The following ENTHD1 variants were observed in gnomAD, a reference collection of about 807,000 sequenced individuals.
The protein encoded by ENTHD1 is ENTH domain containing 1.
Under a neutral mutation model 39.1 loss-of-function variants are expected in ENTHD1, and 23 were observed. That is an observed-to-expected ratio of 0.59 (90% CI 0.42 to 0.83). The LOEUF (loss-of-function observed/expected upper bound fraction) is 0.83. Ranked by LOEUF, ENTHD1 falls within the 40% of genes least tolerant of loss-of-function variation. The pLI is 0.00. For missense variants in ENTHD1, 624 were observed against 705.4 expected, an observed-to-expected ratio of 0.88 and a Z score of 1.31; for synonymous variants, 230 against 258.2, an observed-to-expected ratio of 0.89 and a Z score of 1.05.
At chr22:39,768,753 T>C (rs1404384504) in intron 5 of ENTHD1, among the ~76,000 whole-genome samples, 2 of 152,120 alleles carry the variant, frequency 1.3e-5, no homozygotes, top group Non-Finnish European at 2.9e-5. Flanking sequence ...ATCAACTTTA[T>C]ATGTTGATTT....
chr22:39,863,333 G>A (rs530872527), intron 2 of ENTHD1, among the ~76,000 whole-genome samples: 109 of 152,268 alleles, frequency 7.2e-4, no homozygotes, highest in African/African-American at 2.6e-3. Flanking sequence ...TTTCTCTGAC[G>A]TAACATCCTA....
intron 2 of ENTHD1, chr22:39,875,856 C>A: frequency 6.2e-7 from 1 of 1,613,916 alleles, no homozygotes. Context: ...CAGGAAGCTG[C>A]AGTTGAATTA....
chr22:39,885,232 C>T (rs999100487), intron 2 of ENTHD1, among the ~76,000 whole-genome samples: 9 of 152,186 alleles, frequency 5.9e-5, no homozygotes, highest in South Asian at 4.1e-4. Context: ...TTGCCAACAA[C>T]GACATGAAAA....
chr22:39,868,548 G>A (rs1470191087), intron 2 of ENTHD1, among the ~76,000 whole-genome samples: 5 of 152,048 alleles, frequency 3.3e-5, no homozygotes, highest in Admixed American at 3.3e-4. Flanking sequence ...AAAACACCAC[G>A]CTGGACATTG....
intron 2 of ENTHD1, among the ~76,000 whole-genome samples, chr22:39,870,468 T>C (rs2066233109): frequency 6.6e-6 from 1 of 152,072 alleles, no homozygotes; most frequent in Non-Finnish European, 1.5e-5. Flanking sequence ...AAAAGCAATA[T>C]TCAGAGACAA....
chr22:39,795,657 G>A (rs944080186), intron 5 of ENTHD1, among the ~76,000 whole-genome samples: 2 of 151,438 alleles, frequency 1.3e-5, no homozygotes, highest in East Asian at 3.9e-4. Flanking sequence ...TCAAACTCCT[G>A]GGCTCAAGTG....
In ENTHD1 at chr22:39,820,058, C is replaced by A. The variant is rs189413151; in HGVS notation, c.832+935G>T. Among the ~76,000 whole-genome samples the A allele has an allele frequency of 6.6e-5, 10 of 152,336 alleles. No homozygotes were observed. The East Asian group carries it at 1.9e-3, about 29-fold the overall frequency. On this transcript the variant is annotated intron_variant, in intron 5 of 6. Coordinates refer to ENST00000325157, the MANE Select transcript of ENTHD1 (RefSeq NM_152512.4). ...TAATGCCATCCTTATACAAACATCA[C>A]TATAACCCCCAATTTCTTGTTTTTG...
At chr22:39,865,466 T>C (rs1014003304) in intron 2 of ENTHD1, among the ~76,000 whole-genome samples, 4 of 152,118 alleles carry the variant, frequency 2.6e-5, no homozygotes, top group African/African-American at 9.7e-5. Context: ...GCTTCAAGGA[T>C]GAGTTAAATA....
chr22:39,787,170 G>A (rs1467246613), intron 5 of ENTHD1, among the ~76,000 whole-genome samples: 1 of 151,970 alleles, frequency 6.6e-6, no homozygotes, highest in Admixed American at 6.6e-5. Context: ...ATCATTTTGG[G>A]GTGCCATGAA....
chr22:39,891,664 G>T (rs2066428073), intron 1 of ENTHD1, among the ~76,000 whole-genome samples: 1 of 150,594 alleles, frequency 6.6e-6, no homozygotes, highest in African/African-American at 2.4e-5. Flanking sequence ...TGTCACCCAG[G>T]CTGGAGTGAA....
chr22:39,762,696 C>T (rs2065245237), intron 6 of ENTHD1, among the ~76,000 whole-genome samples: 1 of 152,088 alleles, frequency 6.6e-6, no homozygotes, highest in Admixed American at 6.5e-5. Context: ...AAAGCATTCT[C>T]CCTGCCTTAG....
intron 4 of ENTHD1, among the ~76,000 whole-genome samples, chr22:39,830,429 G>A (rs778666292): frequency 8.5e-5 from 13 of 152,050 alleles, no homozygotes; most frequent in African/African-American, 1.2e-4. Flanking sequence ...AAAGAACAGC[G>A]AAATTTTAAT....
intron 2 of ENTHD1, among the ~76,000 whole-genome samples, chr22:39,879,623 C>G (rs1013318362): frequency 1.2e-4 from 18 of 152,032 alleles, no homozygotes; most frequent in African/African-American, 4.4e-4. Flanking sequence ...ACACTGACAA[C>G]ACCAAATGCT....
At chr22:39,853,130 T>C (rs1278352638) in intron 3 of ENTHD1, among the ~76,000 whole-genome samples, 3 of 152,210 alleles carry the variant, frequency 2.0e-5, no homozygotes, top group Non-Finnish European at 4.4e-5. Flanking sequence ...CCTCATTTAA[T>C]GATGTCCATA....
At position 39,861,844 on chromosome 22, in the gene ENTHD1, G is replaced by A. The variant is rs2066143299; in HGVS notation, c.513C>T (p.Cys171=). The A allele has an allele frequency of 6.2e-6, 10 of 1,604,380 alleles. No homozygotes were observed. Among genetic ancestry groups the A allele is most frequent in the African/African-American group, 1.3e-5 (1 of 74,876 alleles). ...QLGSSNSLTA[C]TSAPTPDISA... Reference sequence around the variant, plus strand: ...AAATATCCGGTGTGGGGGCAGAAGTGCACGCTGTCAGTGAGTTACTTGAAC... The same window carrying A: ...AAATATCCGGTGTGGGGGCAGAAGTACACGCTGTCAGTGAGTTACTTGAAC... The change falls in exon 3 of 7, where the codon TGC becomes TGT. Residue 171 remains cysteine (C), a synonymous_variant. Transcript: ENST00000325157.
intron 3 of ENTHD1, among the ~76,000 whole-genome samples, chr22:39,857,123 G>A (rs2066097906): frequency 6.6e-6 from 1 of 152,016 alleles, no homozygotes; most frequent in African/African-American, 2.4e-5. Flanking sequence ...TCATAAAGAT[G>A]GAGAATATCA....
At chr22:39,780,623 A>C (rs1162909496) in intron 5 of ENTHD1, among the ~76,000 whole-genome samples, 2 of 152,222 alleles carry the variant, frequency 1.3e-5, no homozygotes, top group African/African-American at 2.4e-5. Flanking sequence ...AAAAGAGACA[A>C]AGACAGTCAC....
chr22:39,877,273 C>T (rs1269057945), intron 2 of ENTHD1, among the ~76,000 whole-genome samples: 2 of 152,176 alleles, frequency 1.3e-5, no homozygotes, highest in Non-Finnish European at 2.9e-5. Flanking sequence ...GCACATGGTG[C>T]ATGCTTCTTG....
At chr22:39,884,186 T>A (rs971095185) in intron 2 of ENTHD1, among the ~76,000 whole-genome samples, 2 of 151,210 alleles carry the variant, frequency 1.3e-5, no homozygotes, top group Non-Finnish European at 3.0e-5. Context: ...GCCATCTTCT[T>A]TTTTTTTTCT....
Sources: gnomAD v4.1 joint callset for allele counts (sites outside exome capture counted in the v4.1 genomes callset) on GRCh38, gnomAD v4.1.1 for gene constraint, MANE v1.5 for transcripts, NCBI Gene and HGNC (gene_info 2026-07-23, HGNC 2026-07-21) for gene names.